PZP: variants seen among roughly 807,000 people sequenced by gnomAD.
The protein encoded by PZP is pregnancy zone protein.
In PZP, 150 loss-of-function variants were observed where a neutral mutation model predicts 179.8. The ratio of observed to expected loss-of-function variants is 0.83; its 90% CI spans 0.73 to 0.96. The LOEUF (loss-of-function observed/expected upper bound fraction) is 0.96, where lower values mean the gene tolerates loss of function less well. Ranked by LOEUF, PZP falls within the 40% of genes least tolerant of loss-of-function variation. PZP has a pLI of 0.00. For missense variants in PZP, 1,689 were observed against 1,764.0 expected (o/e 0.96, Z 0.76); for synonymous variants, 624 against 652.3 (o/e 0.96, Z 0.66).
At chr12:9,160,116 A>G (rs1303290308) in intron 24 of PZP, 91 bp from the exon 25 acceptor site, 1 of 1,289,746 alleles carries the variant, frequency 7.8e-7, no homozygotes, top group African/African-American at 1.5e-5. Context: ...CGCCATGGAC[A>G]TTTTATGACC....
Position 9,153,280 on chromosome 12 carries a change from T to C in PZP, c.3838A>G (p.Lys1280Glu). Residue 1280 changes from lysine (K) to glutamate (E), a missense_variant, in exon 30 of 36, where the codon AAA becomes GAA. Coordinates refer to ENST00000261336, the MANE Select transcript of PZP (RefSeq NM_002864.3). ...TCCTGAACGGTGACCTGTGCAGTTT[T>C]CTCAGTTCTGGTGAAAGTGGCTGCT... The part of the protein sequence containing the change: ...YGAATFTRTE[K>E]TAQVTVQDSQ... 1 of 1,614,176 alleles carries C rather than the reference T, an allele frequency of 6.2e-7. No homozygotes were observed. Among genetic ancestry groups the C allele is most frequent in the South Asian group, 1.1e-5 (1 of 91,082 alleles).
rs142132513 is a variant in PZP, at chr12:9,192,236, G to A, written c.1503C>T (p.Ile501=). 1.8e-4 allele frequency: 298 copies of A among 1,614,018 alleles called. No individual in the cohort carries two copies. The highest frequency in any genetic ancestry group is 2.5e-4 in the Non-Finnish European group (290 of 1,179,906). Reference sequence around the variant, plus strand: ...GCAGAGTGTGGGTTCCAGATCTGACGATGACTCCCTTAGCCATGATCTGAA... The same window carrying A: ...GCAGAGTGTGGGTTCCAGATCTGACAATGACTCCCTTAGCCATGATCTGAA... ...FHYLIMAKGV[I]VRSGTHTLPV... The change falls in exon 13 of 36, where the codon ATC becomes ATT. Residue 501 remains isoleucine (I), a synonymous_variant. Transcript: ENST00000261336.
downstream of PZP, among the ~76,000 whole-genome samples, chr12:9,148,004 T>A (rs1284848021): frequency 6.6e-6 from 1 of 152,204 alleles, no homozygotes; most frequent in Non-Finnish European, 1.5e-5. Context: ...ATACTTGATT[T>A]TTTTTCTCTC....
the PZP span, among the ~76,000 whole-genome samples, chr12:9,140,300 G>T: frequency 2.6e-5 from 4 of 152,270 alleles, no homozygotes; most frequent in Middle Eastern, 3.4e-3. Flanking sequence ...CCATGCTATG[G>T]TTTTTTTCCC....
chr12:9,192,122 A>G, intron 13 of PZP, 71 bp downstream of exon 13: 1 of 1,312,138 alleles, frequency 7.6e-7, no homozygotes, highest in Non-Finnish European at 1.1e-6. Flanking sequence ...TTTCCCATTT[A>G]TGAACTGTCA....
chr12:9,175,991 A>G (rs991268193), intron 15 of PZP, among the ~76,000 whole-genome samples: 1 of 152,226 alleles, frequency 6.6e-6, no homozygotes, highest in Non-Finnish European at 1.5e-5. Flanking sequence ...TTATTCTGTT[A>G]TAAAGATACA....
At position 9,196,386 on chromosome 12, in the gene PZP, G is replaced by T; in HGVS notation, c.1036C>A (p.Leu346Ile). 6.2e-7 allele frequency: 1 copy of T among 1,613,858 alleles called. No homozygotes were observed. The highest frequency in any genetic ancestry group is 1.1e-5 in the South Asian group (1 of 91,072). Residue 346 changes from leucine to isoleucine, a missense_variant, in exon 10 of 36, where the codon CTC (leucine) becomes ATC (isoleucine). Leu to Ile is a conservative substitution (Grantham distance 5). Transcript: ENST00000261336. Reference protein sequence around the residue: ...ISEITNIVSKLKFVKVDSHFR... With the variant: ...ISEITNIVSKIKFVKVDSHFR... ...TGTGAATCCACTTTCACGAATTTGAGTTTGGATACAATGTTTGTGATTTCA... is the reference window on the plus strand; with the variant it reads ...TGTGAATCCACTTTCACGAATTTGATTTTGGATACAATGTTTGTGATTTCA...
rs367843259 is a variant in PZP at position 9,192,499 on chromosome 12, G to A, written c.1482+13C>T. 3 of 1,601,422 alleles carry A rather than the reference G, an allele frequency of 1.9e-6. No individual in the cohort carries two copies. In the African/African-American group the frequency reaches 4.0e-5, roughly 21 times the overall value. ...TGATAAGCTGCAATTGTATTCCATG[G>A]CCTCATTCTTACCAGGTAATGGAAA... On this transcript the variant is annotated intron_variant, in intron 12 of 35. Transcript: ENST00000261336.
In PZP at chr12:9,200,945, A is replaced by G; in HGVS notation, c.617T>C (p.Val206Ala). The G allele has an allele frequency of 2.5e-6, 4 of 1,614,104 alleles. No homozygotes were observed. Among genetic ancestry groups the G allele is most frequent in the African/African-American group, 1.3e-5 (1 of 75,060 alleles). Residue 206 changes from valine (V) to alanine (A), a missense_variant, in exon 6 of 36, where the codon GTA becomes GCA. Val to Ala is a moderately conservative substitution (Grantham distance 64, BLOSUM62 0). Around this residue, in one of 3 missense-constraint regions of PZP, gnomAD observed 742 missense variants for 730.5 expected, o/e 1.02. Coordinates refer to ENST00000261336, the MANE Select transcript of PZP (RefSeq NM_002864.3). The part of the protein sequence containing the change: ...EPIQGSYRVV[V>A]QTESGGRIQH... ...TATCCTTCCACCTGATTCTGTCTGTACCACCACCCTGTAGGAGCCCTGAAT... is the reference window on the plus strand; with the variant it reads ...TATCCTTCCACCTGATTCTGTCTGTGCCACCACCCTGTAGGAGCCCTGAAT...
At chr12:9,153,100 C>T in intron 30 of PZP, 25 bp downstream of exon 30, 9 of 1,611,848 alleles carry the variant, frequency 5.6e-6, no homozygotes, top group Non-Finnish European at 7.6e-6. Context: ...AGTTGACTCT[C>T]ACCCATATAA....
Position 9,202,437 on chromosome 12 carries a change from G to A in PZP, c.428-66C>T, listed in dbSNP as rs1944217933. The A allele has an allele frequency of 2.5e-6, 4 of 1,612,518 alleles. No individual in the cohort carries two copies. The Admixed American group carries it at 5.0e-5, about 20-fold the overall frequency. On this transcript the variant is annotated intron_variant, in intron 3 of 35. Transcript: ENST00000261336. ...GCAGGTAATTTGGGTAATAAGACAG[G>A]AGGCTACGGGGCTAGGATAATGGAG...
At chr12:9,198,620 G>A (rs2121186675) in intron 7 of PZP, among the ~76,000 whole-genome samples, 1 of 152,254 alleles carries the variant, frequency 6.6e-6, no homozygotes, top group South Asian at 2.1e-4. Flanking sequence ...AATAATTAGT[G>A]GGGTTATGTG....
rs775064495 is a variant in PZP at position 9,192,509 on chromosome 12, T to A, written c.1482+3A>T. ...CAATTGTATTCCATGGCCTCATTCT[T>A]ACCAGGTAATGGAAACTGAGCTCCG... On this transcript the variant is annotated splice_donor_region_variant and intron_variant, in intron 12 of 35. Coordinates refer to ENST00000261336, the MANE Select transcript of PZP (RefSeq NM_002864.3). The A allele has an allele frequency of 8.1e-6, 13 of 1,609,640 alleles. No individual in the cohort carries two copies. In the Admixed American group the frequency reaches 2.2e-4, roughly 27 times the overall value.
In PZP at chr12:9,165,312, TC is replaced by T; in HGVS notation, c.2313del (p.Trp771Ter). 6.2e-7 allele frequency: 1 copy of T among 1,614,134 alleles called. No homozygotes were observed. The highest frequency in any genetic ancestry group is 1.1e-5 in the South Asian group (1 of 91,082). On this transcript the variant is annotated frameshift_variant, in exon 19 of 36. Coordinates refer to ENST00000261336, the MANE Select transcript of PZP (RefSeq NM_002864.3). LOFTEE classifies it high-confidence loss of function. ...TCGGACAGGCAGAAGGCCCCTGCCTTCCACTCGGTGATGGTGTCAGGGACTG... is the reference window on the plus strand; with the variant it reads ...TCGGACAGGCAGAAGGCCCCTGCCTTCACTCGGTGATGGTGTCAGGGACTG... The part of the protein sequence containing the change: ...GVTVPDTITE[W>X]KAGAFCLSED...
chr12:9,166,346 A>G, intron 17 of PZP, 144 bp from the exon 18 acceptor site: 2 of 742,302 alleles, frequency 2.7e-6, no homozygotes, highest in Non-Finnish European at 4.3e-6. Flanking sequence ...CTTGGGAAAT[A>G]CTTTGTGATC....
chr12:9,193,977 C>T, intron 11 of PZP, 100 bp downstream of exon 11: 2 of 1,161,172 alleles, frequency 1.7e-6, no homozygotes, highest in Non-Finnish European at 2.4e-6. Flanking sequence ...TAGATATCTT[C>T]TTATTTCTTA....
chr12:9,157,196 C>A lies in PZP; in HGVS notation c.3529G>T (p.Asp1177Tyr). 1 of 1,613,684 alleles carries A rather than the reference C, an allele frequency of 6.2e-7. No individual in the cohort carries two copies. Among genetic ancestry groups the A allele is most frequent in the Non-Finnish European group, 8.5e-7 (1 of 1,179,718 alleles). The change falls in exon 28 of 36, where the codon GAT becomes TAT. Residue 1177 changes from aspartate to tyrosine, a missense_variant. Coordinates refer to ENST00000261336, the MANE Select transcript of PZP (RefSeq NM_002864.3). ...NQNREILNSLDKEAVKEDNLV... is the reference protein window; with the variant it reads ...NQNREILNSLYKEAVKEDNLV... ...TCACCTTCTTTCACAGCTTCCTTAT[C>A]AAGTGAGTTCAGTATTTCTCTATTC...
intron 28 of PZP, among the ~76,000 whole-genome samples, chr12:9,156,535 G>C (rs1197590510): frequency 6.6e-6 from 1 of 152,202 alleles, no homozygotes; most frequent in African/African-American, 2.4e-5. Context: ...GGGAATTTAG[G>C]GGGTATGGAA....
chr12:9,144,889 C>T (rs1362128679), downstream of PZP, among the ~76,000 whole-genome samples: 1 of 152,180 alleles, frequency 6.6e-6, no homozygotes, highest in Non-Finnish European at 1.5e-5. Flanking sequence ...TATGGTCATG[C>T]TGACGTTAGC....
Sources: gnomAD v4.1 joint callset for allele counts (sites outside exome capture counted in the v4.1 genomes callset) on GRCh38, gnomAD v4.1.1 for gene constraint, gnomAD v4.1.1 regional missense constraint, MANE v1.5 for transcripts, NCBI Gene and HGNC (gene_info 2026-07-23, HGNC 2026-07-21) for gene names.